GPX3: variants seen among roughly 807,000 people sequenced by gnomAD.
GPX3 encodes GPx-3.
A neutral mutation model predicts 25.1 loss-of-function variants in GPX3; 22 were observed. The observed-to-expected ratio is 0.88, with a 90% CI of 0.63 to 1.25. The LOEUF is 1.25. Among genes scored for constraint, GPX3 ranks in the 50% most tolerant of loss-of-function variants. The pLI, the probability that GPX3 is intolerant of heterozygous loss-of-function variation, is 0.00. For missense variants in GPX3, 278 were observed against 286.6 expected, an observed-to-expected ratio of 0.97 and a Z score of 0.22; for synonymous variants, 110 against 114.5, an observed-to-expected ratio of 0.96 and a Z score of 0.25.
chr5:151,025,277 G>A lies in GPX3; in HGVS notation c.88-63G>A, dbSNP rs188766317. The A allele has an allele frequency of 7.1e-5, 96 of 1,360,154 alleles. 1 individual carries two copies. The highest frequency in any genetic ancestry group is 2.9e-4 in the South Asian group (19 of 65,314). The allele number at this position is 1,360,154 out of a possible 1,614,324, so 84.3% of individuals were successfully genotyped here. On this transcript the variant is annotated intron_variant, in intron 1 of 4. Coordinates refer to ENST00000388825, the MANE Select transcript of GPX3 (RefSeq NM_002084.5). ...CTCTGTTGGGATCTTTCATTCTTTT[G>A]AAAACGGAGATGTCCAAGTTCCTTT...
intron 3 of GPX3, 23 bp downstream of exon 3, chr5:151,027,040 G>T: frequency 6.7e-7 from 1 of 1,489,292 alleles, no homozygotes; most frequent in South Asian, 1.1e-5. Flanking sequence ...TCAGCATCCT[G>T]AGAAAGCTCC....
chr5:151,028,585 C>A lies in GPX3; in HGVS notation c.*455C>A. On this transcript the variant is annotated 3_prime_UTR_variant, in exon 5 of 5. Transcript: ENST00000388825. ...ACCTTGGGGCCAGCATCTCCCACTG[C>A]CTCCAAATATTAGTAACTATGACTG... 5.9e-6 allele frequency: 1 copy of A among 170,526 alleles called. No individual in the cohort carries two copies. Among genetic ancestry groups the A allele is most frequent in the South Asian group, 1.3e-4 (1 of 7,784 alleles). The allele number at this position is 170,526 out of a possible 1,614,324, so 10.6% of individuals were successfully genotyped here. A position where few individuals can be genotyped will look rare whatever the true frequency, so the allele number is the denominator to read the frequency against.
Position 151,025,283 on chromosome 5 carries a change from G to A in GPX3, c.88-57G>A, listed in dbSNP as rs2113146062. The stretch of plus-strand genomic sequence containing the variant: ...TGGGATCTTTCATTCTTTTGAAAAC[G>A]GAGATGTCCAAGTTCCTTTCCAGCT... On this transcript the variant is annotated intron_variant, in intron 1 of 4. Coordinates refer to ENST00000388825, the MANE Select transcript of GPX3 (RefSeq NM_002084.5). 11 of 1,380,288 alleles carry A rather than the reference G, an allele frequency of 8.0e-6. No homozygotes were observed. In the South Asian group the frequency reaches 9.1e-5, roughly 11 times the overall value. The allele number at this position is 1,380,288 out of a possible 1,614,324, so 85.5% of individuals were successfully genotyped here. A position where few individuals can be genotyped will look rare whatever the true frequency, so the allele number is the denominator to read the frequency against.
In GPX3 at chr5:151,028,389, A is replaced by G. The variant is rs1756597136; in HGVS notation, c.*259A>G. On this transcript the variant is annotated 3_prime_UTR_variant, in exon 5 of 5. Transcript: ENST00000388825. The stretch of plus-strand genomic sequence containing the variant: ...TGGGTGTACAGCCACGTGTCTACCT[A>G]TGTGTCTTTCTGGGAATGTGTACCA... 1 of 488,916 alleles carries G rather than the reference A, an allele frequency of 2.0e-6. No individual in the cohort carries two copies. The highest frequency in any genetic ancestry group is 3.8e-6 in the Non-Finnish European group (1 of 264,982). 30.3% of individuals were successfully genotyped at this position (488,916 alleles called of 1,614,324 possible).
rs1756546793 is a variant in GPX3, at chr5:151,026,265, T to C, written c.242-635T>C. Among the ~76,000 whole-genome samples, 3 of 152,144 alleles carry C rather than the reference T, an allele frequency of 2.0e-5. No homozygotes were observed. In the South Asian group the frequency reaches 6.2e-4, roughly 31 times the overall value. ...AGGGGGTCAGGGAGGCAAGGGCAAT[T>C]TGACCCTCCATGCTCTGCCTGGCAA... is the stretch of plus-strand genomic sequence containing the variant. On this transcript the variant is annotated intron_variant, in intron 2 of 4. Coordinates refer to ENST00000388825, the MANE Select transcript of GPX3 (RefSeq NM_002084.5).
At chr5:151,022,713 G>A (rs141355334) in intron 1 of GPX3, among the ~76,000 whole-genome samples, 7 of 152,256 alleles carry the variant, frequency 4.6e-5, no homozygotes, top group East Asian at 3.9e-4. Flanking sequence ...GGCTGCCCAC[G>A]CTCCTTGTCT....
intron 1 of GPX3, among the ~76,000 whole-genome samples, chr5:151,022,988 C>T (rs895601717): frequency 1.9e-4 from 29 of 152,280 alleles, no homozygotes; most frequent in African/African-American, 5.5e-4. Flanking sequence ...CCACTTCTCA[C>T]AGCATCATAT....
chr5:151,025,307 C>A, intron 1 of GPX3, 33 bp from the exon 2 acceptor site: 3 of 1,507,622 alleles, frequency 2.0e-6, no homozygotes, highest in African/African-American at 1.4e-5. Context: ...TCCTTTCCAG[C>A]TCTAACTGCT....
intron 2 of GPX3, among the ~76,000 whole-genome samples, 198 bp downstream of exon 2, chr5:151,025,691 A>G (rs1269064892): frequency 6.6e-6 from 1 of 152,218 alleles, no homozygotes; most frequent in Non-Finnish European, 1.5e-5. Flanking sequence ...GACATGTTCT[A>G]GGAGATTCCT....
In GPX3 at chr5:151,026,907, T is replaced by C; in HGVS notation, c.249T>C (p.Asn83=). The C allele has an allele frequency of 6.2e-7, 1 of 1,612,482 alleles. No individual in the cohort carries two copies. The highest frequency in any genetic ancestry group is 2.2e-5 in the East Asian group (1 of 44,866). ...UGLTGQYIEL[N]ALQEELAPFG... is the part of the protein sequence containing the mutation. ...TCTTTCTCTTTGGCCCAGAACTGAA[T>C]GCACTACAGGAAGAGCTTGCACCAT... Residue 83 remains asparagine (N), a synonymous_variant, in exon 3 of 5, where the codon AAT becomes AAC. Transcript: ENST00000388825.
In GPX3 at chr5:151,026,958, C is replaced by G; in HGVS notation, c.300C>G (p.Pro100=). Residue 100 remains proline, a synonymous_variant, in exon 3 of 5, where the codon CCC becomes CCG. Coordinates refer to ENST00000388825, the MANE Select transcript of GPX3 (RefSeq NM_002084.5). Reference sequence around the variant, plus strand: ...TCGGTCTGGTCATTCTGGGCTTTCCCTGCAACCAATTTGGAAAACAGGAAC... The same window carrying G: ...TCGGTCTGGTCATTCTGGGCTTTCCGTGCAACCAATTTGGAAAACAGGAAC... ...APFGLVILGF[P]CNQFGKQEPG... The G allele has an allele frequency of 6.2e-7, 1 of 1,614,188 alleles. No individual in the cohort carries two copies. The highest frequency in any genetic ancestry group is 8.5e-7 in the Non-Finnish European group (1 of 1,180,020).
At chr5:151,025,586 G>T in intron 2 of GPX3, 93 bp downstream of exon 2, 1 of 1,137,064 alleles carries the variant, frequency 8.8e-7, no homozygotes, top group Non-Finnish European at 1.2e-6. Flanking sequence ...AAAGGGTGAT[G>T]GCAATCACGA....
Position 151,026,920 on chromosome 5 carries a change from G to A in GPX3, c.262G>A (p.Glu88Lys). ...CCCAGAACTGAATGCACTACAGGAA[G>A]AGCTTGCACCATTCGGTCTGGTCAT... Reference protein sequence around the residue: ...QYIELNALQEELAPFGLVILG... With the variant: ...QYIELNALQEKLAPFGLVILG... The change falls in exon 3 of 5, where the codon GAG (glutamate) becomes AAG (lysine). Residue 88 changes from glutamate to lysine, a missense_variant. Coordinates refer to ENST00000388825, the MANE Select transcript of GPX3 (RefSeq NM_002084.5). 3 of 1,613,994 alleles carry A rather than the reference G, an allele frequency of 1.9e-6. No individual in the cohort carries two copies. Among genetic ancestry groups the A allele is most frequent in the East Asian group, 2.2e-5 (1 of 44,880 alleles).
At chr5:151,027,056 C>T (rs1419922344) in intron 3 of GPX3, 39 bp downstream of exon 3, 3 of 1,308,400 alleles carry the variant, frequency 2.3e-6, no homozygotes, top group Non-Finnish European at 3.3e-6. Flanking sequence ...GCTCCTCTCA[C>T]ATGGCCCACA....
At chr5:151,022,419 A>G (rs928550926) in intron 1 of GPX3, among the ~76,000 whole-genome samples, 4 of 152,200 alleles carry the variant, frequency 2.6e-5, no homozygotes, top group African/African-American at 4.8e-5. Context: ...CATATCACAT[A>G]CAACCAGTCA....
intron 2 of GPX3, chr5:151,026,367 T>C (rs1366376758): frequency 6.6e-6 from 1 of 152,352 alleles, no homozygotes; most frequent in East Asian, 1.9e-4. Flanking sequence ...CTGGGATGCT[T>C]CTCTCTAGCC....
intron 2 of GPX3, 39 bp from the exon 3 acceptor site, chr5:151,026,861 C>A: frequency 6.8e-7 from 1 of 1,477,600 alleles, no homozygotes; most frequent in Non-Finnish European, 9.4e-7. Flanking sequence ...GGGCTCCTCG[C>A]CAGGATACTC....
At chr5:151,027,140 A>G in intron 3 of GPX3, 123 bp downstream of exon 3, 1 of 711,148 alleles carries the variant, frequency 1.4e-6, no homozygotes, top group East Asian at 2.6e-5. Flanking sequence ...TAGGATCCCC[A>G]GTGGAATGAG....
chr5:151,027,396 C>T lies in GPX3; in HGVS notation c.360-36C>T, dbSNP rs1415768399. On this transcript the variant is annotated intron_variant, in intron 3 of 4. Transcript: ENST00000388825. The stretch of plus-strand genomic sequence containing the variant: ...CTCTCATTTCTGAGCCCTGTGCCCA[C>T]CTCCTTGGGACCCACCTAAGAACAT... The T allele has an allele frequency of 2.1e-6, 3 of 1,405,608 alleles. No individual in the cohort carries two copies. The African/African-American group carries it at 4.2e-5, about 20-fold the overall frequency. 87.1% of individuals were successfully genotyped at this position (1,405,608 alleles called of 1,614,324 possible).
Sources: gnomAD v4.1 joint callset for allele counts (sites outside exome capture counted in the v4.1 genomes callset) on GRCh38, gnomAD v4.1.1 for gene constraint, MANE v1.5 for transcripts, NCBI Gene and HGNC (gene_info 2026-07-23, HGNC 2026-07-21) for gene names.